The following FOXRED2 variants were observed in gnomAD, a reference collection of about 807,000 sequenced individuals.
FOXRED2 encodes FAD dependent oxidoreductase domain containing 2.
A neutral mutation model predicts 52.5 loss-of-function variants in FOXRED2; 32 were observed. The observed-to-expected ratio is 0.61, with a 90% CI of 0.46 to 0.82. The LOEUF (loss-of-function observed/expected upper bound fraction) is 0.82, where lower values mean the gene tolerates loss of function less well. Ranked by LOEUF, FOXRED2 falls within the 40% of genes least tolerant of loss-of-function variation. The pLI is 0.00. For synonymous variants in FOXRED2, 405 were observed against 398.1 expected (o/e 1.02, Z -0.21); for missense variants, 848 against 937.5 (o/e 0.90, Z 1.25).
Position 36,504,637 on chromosome 22 carries a change from C to G in FOXRED2, c.657G>C (p.Leu219=), listed in dbSNP as rs1934145987. 1 of 1,614,186 alleles carries G rather than the reference C, an allele frequency of 6.2e-7. No homozygotes were observed. The highest frequency in any genetic ancestry group is 8.5e-7 in the Non-Finnish European group (1 of 1,180,030). ...EDFVGQNVLI[L]GRGNSAFETA... The stretch of plus-strand genomic sequence containing the variant: ...TCTCAAAGGCCGAGTTCCCACGACC[C>G]AGGATCAGCACATTCTGGCCTACAA... Residue 219 remains leucine (L), a synonymous_variant, in exon 3 of 9, where the codon CTG becomes CTC. Coordinates refer to ENST00000397224, the MANE Select transcript of FOXRED2 (RefSeq NM_001102371.2).
Position 36,489,977 on chromosome 22 carries a change from G to A in FOXRED2, c.*31C>T, listed in dbSNP as rs1199157477. The A allele has an allele frequency of 5.2e-6, 8 of 1,524,268 alleles. No individual in the cohort carries two copies. In the Admixed American group the frequency reaches 6.3e-5, roughly 12 times the overall value. The allele number at this position is 1,524,268 out of a possible 1,614,324, so 94.4% of individuals were successfully genotyped here. A position where few individuals can be genotyped will look rare whatever the true frequency, so the allele number is the denominator to read the frequency against. On this transcript the variant is annotated 3_prime_UTR_variant, in exon 9 of 9. Coordinates refer to ENST00000397224, the MANE Select transcript of FOXRED2 (RefSeq NM_001102371.2). ...CCATGGGCCTAGGTGGGGAGGCCTG[G>A]CCACTGTGCCCACAGCTTAGGAAGG...
intron 8 of FOXRED2, among the ~76,000 whole-genome samples, chr22:36,492,516 G>A (rs536957615): frequency 2.0e-5 from 3 of 152,164 alleles, no homozygotes. Flanking sequence ...TGGCATTTTT[G>A]TTGTTGTTGG....
chr22:36,499,764 AG>A (rs1205025052), intron 5 of FOXRED2, among the ~76,000 whole-genome samples: 19 of 152,176 alleles, frequency 1.2e-4, no homozygotes, highest in Non-Finnish European at 2.8e-4. Context: ...TGTCCTTCTC[AG>A]AAGGTTAACC....
chr22:36,504,533 TGGGTGGCCCAGGACAGACGGACCC>T lies in FOXRED2; in HGVS notation c.737_760del (p.Arg246_Thr253del). On this transcript the variant is annotated inframe_deletion, in exon 3 of 9. Transcript: ENST00000397224. ...GGCCTACCTGAGGTCTCCAACGTAGTGGGTGGCCCAGGACAGACGGACCCGGGAGCGGCTGAGCATATGGATAAA... is the reference window on the plus strand; with the variant it reads ...GGCCTACCTGAGGTCTCCAACGTAGTGGGAGCGGCTGAGCATATGGATAAA... 1 of 1,614,102 alleles carries T rather than the reference TGGGTGGCCCAGGACAGACGGACCC, an allele frequency of 6.2e-7. No individual in the cohort carries two copies. Among genetic ancestry groups the T allele is most frequent in the Non-Finnish European group, 8.5e-7 (1 of 1,180,022 alleles).
Position 36,503,995 on chromosome 22 carries a change from C to T in FOXRED2, c.1049+103G>A. ...TCACATCCATTCTTTGGGTGCTGTC[C>T]TGAGAGCTCTGTCGCCAGCCTACTG... is the stretch of plus-strand genomic sequence containing the variant. On this transcript the variant is annotated intron_variant, in intron 4 of 8. Coordinates refer to ENST00000397224, the MANE Select transcript of FOXRED2 (RefSeq NM_001102371.2). 3.2e-6 allele frequency: 4 copies of T among 1,261,712 alleles called. No individual in the cohort carries two copies. The South Asian group carries it at 5.4e-5, about 17-fold the overall frequency. The allele number at this position is 1,261,712 out of a possible 1,614,324, so 78.2% of individuals were successfully genotyped here.
At position 36,496,286 on chromosome 22, in the gene FOXRED2, T is replaced by A. The variant is rs1933896004; in HGVS notation, c.1383-78A>T. Reference sequence around the variant, plus strand: ...GGTGCAGCCCGGGGGTGAGCATGTGTGTGTGCGTGTGTATCTCCCCCTCTA... The same window carrying A: ...GGTGCAGCCCGGGGGTGAGCATGTGAGTGTGCGTGTGTATCTCCCCCTCTA... On this transcript the variant is annotated intron_variant, in intron 6 of 8. Transcript: ENST00000397224. The A allele has an allele frequency of 1.9e-6, 3 of 1,545,512 alleles. No individual in the cohort carries two copies. The Admixed American group carries it at 5.3e-5, about 28-fold the overall frequency.
chr22:36,504,236 A>T lies in FOXRED2; in HGVS notation c.911T>A (p.Leu304Gln). 6.2e-7 allele frequency: 1 copy of T among 1,614,210 alleles called. No individual in the cohort carries two copies. The highest frequency in any genetic ancestry group is 8.5e-7 in the Non-Finnish European group (1 of 1,180,032). ...GKFHVTPKFF[L>Q]EEANTNQSAD... is the part of the protein sequence containing the mutation. ...ACTCTGGTTGGTGTTGGCTTCTTCC[A>T]GGAAGAATTTCGGGGTGACATGGAA... Residue 304 changes from leucine (L) to glutamine (Q), a missense_variant, in exon 4 of 9, where the codon CTG becomes CAG. Leu to Gln is a moderately radical substitution (Grantham distance 113). Transcript: ENST00000397224.
In FOXRED2 at chr22:36,506,056, G is replaced by C. The variant is rs1244126492; in HGVS notation, c.367C>G (p.Arg123Gly). 1.2e-6 allele frequency: 2 copies of C among 1,614,256 alleles called. No homozygotes were observed. Among genetic ancestry groups the C allele is most frequent in the Non-Finnish European group, 1.7e-6 (2 of 1,180,048 alleles). ...HYSRAYFPDARDMVRYLGDFA... is the reference protein window; with the variant it reads ...HYSRAYFPDAGDMVRYLGDFA... ...TCACCCAGGTAGCGCACCATGTCGC[G>C]GGCGTCGGGGAAGTAGGCACGCGAG... The change falls in exon 2 of 9, where the codon CGC becomes GGC. Residue 123 changes from arginine to glycine, a missense_variant. Arg to Gly is a moderately radical substitution (Grantham distance 125, BLOSUM62 -2). Coordinates refer to ENST00000397224, the MANE Select transcript of FOXRED2 (RefSeq NM_001102371.2).
At chr22:36,498,965 C>CA (rs1247542354) in intron 5 of FOXRED2, among the ~76,000 whole-genome samples, 2 of 152,154 alleles carry the variant, frequency 1.3e-5, no homozygotes, top group African/African-American at 4.8e-5. Context: ...GACAGAGTCT[C>CA]ACTCTGATGC....
At chr22:36,494,879 C>T (rs1012269372) in intron 7 of FOXRED2, among the ~76,000 whole-genome samples, 14 of 152,008 alleles carry the variant, frequency 9.2e-5, no homozygotes, top group South Asian at 2.1e-4. Flanking sequence ...CCTCGTGATC[C>T]GCCCGCCTCG....
intron 8 of FOXRED2, among the ~76,000 whole-genome samples, chr22:36,493,364 G>A (rs962335638): frequency 6.6e-6 from 1 of 152,044 alleles, no homozygotes; most frequent in African/African-American, 2.4e-5. Context: ...GCTTGAACCC[G>A]GGAGGCGGAG....
rs761294547 is a variant in FOXRED2, at chr22:36,505,967, G to C, written c.456C>G (p.Asp152Glu). ...YNTTIAHVTL[D>E]KDRQAWNGHY... ...GGCCATTCCAGGCCTGTCGGTCCTT[G>C]TCCAGAGTGACGTGGGCGATGGTGG... The change falls in exon 2 of 9, where the codon GAC becomes GAG. Residue 152 changes from aspartate to glutamate, a missense_variant. Transcript: ENST00000397224. The C allele has an allele frequency of 2.5e-6, 4 of 1,614,206 alleles. No individual in the cohort carries two copies. In the South Asian group the frequency reaches 3.3e-5, roughly 13 times the overall value.
rs1417396202 is a variant in FOXRED2, at chr22:36,490,124, TG to T, written c.1938del (p.Thr647GlnfsTer18). The T allele has an allele frequency of 2.5e-6, 4 of 1,613,758 alleles. No individual in the cohort carries two copies. The highest frequency in any genetic ancestry group is 2.5e-6 in the Non-Finnish European group (3 of 1,179,886). On this transcript the variant is annotated frameshift_variant, in exon 9 of 9. Coordinates refer to ENST00000397224, the MANE Select transcript of FOXRED2 (RefSeq NM_001102371.2). LOFTEE classifies it low-confidence loss of function (END_TRUNC). ...CTGCTGTCCTCCAGGCGCCTGCCTG[TG>T]GGGGCATAGTCCCGCAGGAGCCTGC... ...VESRLLRDYA[P>X]TGRRLEDSSQ... is the part of the protein sequence containing the mutation.
intron 7 of FOXRED2, among the ~76,000 whole-genome samples, chr22:36,495,181 G>A (rs1933864194): frequency 6.6e-6 from 1 of 152,064 alleles, no homozygotes; most frequent in East Asian, 1.9e-4. Flanking sequence ...GGCTGGTCTT[G>A]AACTCCTGAC....
intron 7 of FOXRED2, among the ~76,000 whole-genome samples, chr22:36,494,848 A>G (rs964686984): frequency 8.5e-5 from 13 of 152,050 alleles, no homozygotes; most frequent in African/African-American, 3.1e-4. Flanking sequence ...TATGTCGGCC[A>G]GGATGGTCTC....
At chr22:36,495,837 T>C in intron 7 of FOXRED2, 130 bp downstream of exon 7, 1 of 1,014,440 alleles carries the variant, frequency 9.9e-7, no homozygotes, top group South Asian at 1.5e-5. Context: ...AAGTGGTCTC[T>C]AGGCAGAGTC....
chr22:36,492,080 C>T (rs965613860), intron 8 of FOXRED2, among the ~76,000 whole-genome samples: 2 of 152,128 alleles, frequency 1.3e-5, no homozygotes, highest in African/African-American at 4.8e-5. Flanking sequence ...AGAAATATGA[C>T]TTCCTGTTTA....
Position 36,488,666 on chromosome 22 carries a change from C to T in FOXRED2, c.*1342G>A, listed in dbSNP as rs1933668342. On this transcript the variant is annotated 3_prime_UTR_variant, in exon 9 of 9. Transcript: ENST00000397224. ...GCGCAATCTCGGCTCACTGCAACCT[C>T]TGCCTCCCGGGTTTAAGTGATTCTC... The T allele has an allele frequency of 6.6e-6, 1 of 152,284 alleles. No homozygotes were observed. The highest frequency in any genetic ancestry group is 1.5e-5 in the Non-Finnish European group (1 of 68,086). 9.4% of individuals were successfully genotyped at this position (152,284 alleles called of 1,614,324 possible).
chr22:36,499,700 TAACCACC>T (rs1462124482), intron 5 of FOXRED2, among the ~76,000 whole-genome samples: 3 of 14,046 alleles, frequency 2.1e-4, no homozygotes, highest in African/African-American at 6.1e-4. Context: ...TAGACTCACC[TAACCACC>T]TAACTGAATA....
Sources: allele counts gnomAD v4.1 joint callset (sites outside exome capture counted in the v4.1 genomes callset), GRCh38; gene constraint gnomAD v4.1.1; transcripts MANE v1.5; gene names NCBI Gene and HGNC (gene_info 2026-07-23, HGNC 2026-07-21).